The following KHDRBS2 variants were observed in gnomAD, a reference collection of about 807,000 sequenced individuals.
KHDRBS2 encodes the protein KH RNA binding domain containing, signal transduction associated 2.
A neutral mutation model predicts 44.3 loss-of-function variants in KHDRBS2; 26 were observed. That is an observed-to-expected ratio of 0.59 (90% confidence interval 0.43 to 0.81). The LOEUF (loss-of-function observed/expected upper bound fraction) is 0.81, where lower values mean the gene tolerates loss of function less well. Ranked by LOEUF, KHDRBS2 falls within the 40% of genes least tolerant of loss-of-function variation. The pLI is 0.00. For synonymous variants in KHDRBS2, 194 were observed against 151.1 expected, an observed-to-expected ratio of 1.28 and a Z score of -2.08; for missense variants, 476 against 433.1, an observed-to-expected ratio of 1.10 and a Z score of -0.88.
At chr6:62,064,792 A>C (rs1217823408) in intron 2 of KHDRBS2, among the ~76,000 whole-genome samples, 1 of 152,014 alleles carries the variant, frequency 6.6e-6, no homozygotes, top group Admixed American at 6.6e-5. Context: ...GGATCTAATT[A>C]AACTAAACAG....
Position 62,186,445 on chromosome 6 carries a change from T to C in KHDRBS2, c.92-9133A>G, listed in dbSNP as rs374848655. 6.6e-4 allele frequency among the ~76,000 whole-genome samples: 100 copies of C among 152,188 alleles called. 1 individual carries two copies. The highest frequency in any genetic ancestry group is 2.4e-3 in the African/African-American group (98 of 41,566). ...TAAAACCAAACATCGTGACAGTCAA[T>C]GTCATGTATTTCACAAGCTTACATC... On this transcript the variant is annotated intron_variant, in intron 1 of 8. Transcript: ENST00000281156.
At chr6:61,821,783 G>A (rs1212443897) in intron 6 of KHDRBS2, among the ~76,000 whole-genome samples, 1 of 142,560 alleles carries the variant, frequency 7.0e-6, no homozygotes, top group East Asian at 2.0e-4. Flanking sequence ...GTGTCACATT[G>A]TTAAGATTTT....
At position 62,136,693 on chromosome 6, in the gene KHDRBS2, A is replaced by G. The variant is rs1488641369; in HGVS notation, c.219+40492T>C. Among the ~76,000 whole-genome samples, 8 of 152,304 alleles carry G rather than the reference A, an allele frequency of 5.3e-5. No homozygotes were observed. In the South Asian group the frequency reaches 1.4e-3, roughly 28 times the overall value. On this transcript the variant is annotated intron_variant, in intron 2 of 8. Transcript: ENST00000281156. Reference sequence around the variant, plus strand: ...TCACTAATGCTAAAATGTCAGTGAGAAGTTGGCCCCCTACCACAATGAACA... The same window carrying G: ...TCACTAATGCTAAAATGTCAGTGAGGAGTTGGCCCCCTACCACAATGAACA...
intron 6 of KHDRBS2, among the ~76,000 whole-genome samples, chr6:61,830,403 C>CA (rs1791606665): frequency 6.6e-6 from 1 of 152,160 alleles, no homozygotes; most frequent in Non-Finnish European, 1.5e-5. Context: ...TGTCCTTATA[C>CA]AACTCACTGT....
chr6:61,966,261 T>C (rs1769915895), intron 4 of KHDRBS2, among the ~76,000 whole-genome samples: 8 of 152,078 alleles, frequency 5.3e-5, no homozygotes, highest in Admixed American at 5.3e-4. Flanking sequence ...AAATGTACTT[T>C]TCTATTACAA....
At chr6:62,046,556 T>C (rs1373541523) in intron 3 of KHDRBS2, among the ~76,000 whole-genome samples, 4 of 151,932 alleles carry the variant, frequency 2.6e-5, no homozygotes, top group South Asian at 2.1e-4. Context: ...AATATAACAG[T>C]ATGAAGTATT....
intron 6 of KHDRBS2, among the ~76,000 whole-genome samples, chr6:61,776,164 G>T (rs1288739859): frequency 6.6e-6 from 1 of 151,946 alleles, no homozygotes; most frequent in African/African-American, 2.4e-5. Flanking sequence ...AGACTTACAT[G>T]TTAGACCTAA....
intron 6 of KHDRBS2, among the ~76,000 whole-genome samples, chr6:61,835,160 C>T (rs1320862357): frequency 6.6e-6 from 1 of 151,964 alleles, no homozygotes; most frequent in African/African-American, 2.4e-5. Context: ...AGCTTTTAAC[C>T]TTGGAGAGAT....
At chr6:61,738,568 A>G (rs1189850944) in intron 6 of KHDRBS2, among the ~76,000 whole-genome samples, 2 of 152,022 alleles carry the variant, frequency 1.3e-5, no homozygotes, top group Non-Finnish European at 2.9e-5. Flanking sequence ...GGCCTGAGCT[A>G]TAATGAAATA....
chr6:62,099,409 T>C (rs769755974), intron 2 of KHDRBS2, among the ~76,000 whole-genome samples: 7 of 152,164 alleles, frequency 4.6e-5, no homozygotes, highest in Non-Finnish European at 8.8e-5. Flanking sequence ...TTGCCACTTT[T>C]TCAGCAGTAG....
chr6:62,270,277 A>ATC (rs147450056), intron 1 of KHDRBS2, among the ~76,000 whole-genome samples: 3,585 of 120,578 alleles, frequency 0.03, 178 homozygotes, highest in African/African-American at 0.11. Context: ...GTGGAACCCC[A>ATC]TCTCTCTCTC....
At chr6:61,728,454 T>C (rs899247240) in intron 7 of KHDRBS2, among the ~76,000 whole-genome samples, 27 of 151,446 alleles carry the variant, frequency 1.8e-4, no homozygotes, top group African/African-American at 6.6e-4. Flanking sequence ...AAATAAAAGT[T>C]GAAGAAAAAA....
At chr6:62,115,421 A>G (rs1271427669) in intron 2 of KHDRBS2, among the ~76,000 whole-genome samples, 1 of 152,172 alleles carries the variant, frequency 6.6e-6, no homozygotes, top group Non-Finnish European at 1.5e-5. Context: ...TTGACTTCAG[A>G]GAGATAAAGT....
At chr6:62,182,628 C>A (rs1822562914) in intron 1 of KHDRBS2, among the ~76,000 whole-genome samples, 1 of 151,692 alleles carries the variant, frequency 6.6e-6, no homozygotes, top group South Asian at 2.1e-4. Flanking sequence ...TCAGCCATAT[C>A]TCAATAAAGT....
chr6:61,990,626 G>A (rs1457636562), intron 3 of KHDRBS2, among the ~76,000 whole-genome samples: 1 of 151,856 alleles, frequency 6.6e-6, no homozygotes, highest in Admixed American at 6.6e-5. Flanking sequence ...AACATCTTCT[G>A]AACAGCAAGC....
At chr6:62,082,510 T>C (rs1001940653) in intron 2 of KHDRBS2, among the ~76,000 whole-genome samples, 1 of 152,166 alleles carries the variant, frequency 6.6e-6, no homozygotes, top group South Asian at 2.1e-4. Flanking sequence ...TGTGCTAGAC[T>C]TCTCCTTTCA....
chr6:61,633,878 G>A, the KHDRBS2 span, among the ~76,000 whole-genome samples: 5 of 151,872 alleles, frequency 3.3e-5, no homozygotes, highest in African/African-American at 1.2e-4. Flanking sequence ...TCTCAAAAAG[G>A]ACTTACATAA....
chr6:61,925,020 G>A (rs1808705243), intron 4 of KHDRBS2, among the ~76,000 whole-genome samples: 1 of 152,114 alleles, frequency 6.6e-6, no homozygotes. Context: ...CTAATGTTAA[G>A]CCATTTAATT....
At chr6:62,049,763 T>C (rs1028281215) in intron 2 of KHDRBS2, among the ~76,000 whole-genome samples, 1 of 152,068 alleles carries the variant, frequency 6.6e-6, no homozygotes, top group African/African-American at 2.4e-5. Flanking sequence ...CCAGTTAGAA[T>C]GGCAATTATT....
Sources: allele counts gnomAD v4.1 joint callset (sites outside exome capture counted in the v4.1 genomes callset), GRCh38; gene constraint gnomAD v4.1.1; transcripts MANE v1.5; gene names NCBI Gene and HGNC (gene_info 2026-07-23, HGNC 2026-07-21).